FBXL20: variants seen among roughly 807,000 people sequenced by gnomAD.
The protein encoded by FBXL20 is F-box/LRR-repeat protein 20.
FBXL20 carries 11 observed loss-of-function variants against 64.0 expected under a neutral mutation model. The ratio of observed to expected loss-of-function variants is 0.17; its 90% confidence interval spans 0.11 to 0.28. The LOEUF is 0.28. Among genes scored for constraint, FBXL20 ranks in the 10% least tolerant of loss-of-function variants. The pLI, the probability that FBXL20 is intolerant of heterozygous loss-of-function variation, is 1.00. For synonymous variants in FBXL20, 184 were observed against 189.0 expected (o/e 0.97, Z 0.22); for missense variants, 303 against 526.2 (o/e 0.58, Z 4.15).
intron 1 of FBXL20, among the ~76,000 whole-genome samples, chr17:39,349,104 T>A (rs1166720442): frequency 1.3e-5 from 2 of 151,640 alleles, no homozygotes; most frequent in Non-Finnish European, 2.9e-5. Flanking sequence ...ATACACAAAT[T>A]AGCCAGGCAT....
At chr17:39,349,923 G>A (rs1162437849) in intron 1 of FBXL20, among the ~76,000 whole-genome samples, 6 of 142,586 alleles carry the variant, frequency 4.2e-5, no homozygotes, top group African/African-American at 1.3e-4. Flanking sequence ...GCTAAAGAGC[G>A]AGACTCCGTC....
chr17:39,342,831 G>A (rs950008763), intron 2 of FBXL20, among the ~76,000 whole-genome samples: 9 of 152,160 alleles, frequency 5.9e-5, no homozygotes, highest in East Asian at 1.9e-4. Context: ...GCAGTAAGCC[G>A]TGATTGCGCC....
At chr17:39,393,297 A>T (rs990832218) in intron 1 of FBXL20, among the ~76,000 whole-genome samples, 7 of 151,928 alleles carry the variant, frequency 4.6e-5, no homozygotes, top group South Asian at 2.1e-4. Flanking sequence ...CAGGAAAAAA[A>T]AATAATAAAT....
At chr17:39,356,314 CACA>C (rs1457074088) in intron 1 of FBXL20, among the ~76,000 whole-genome samples, 1 of 151,550 alleles carries the variant, frequency 6.6e-6, no homozygotes, top group East Asian at 1.9e-4. Flanking sequence ...GAGGTGAGAG[CACA>C]ACTTCATCTG....
At chr17:39,267,113 G>T (rs1296880558) in intron 12 of FBXL20, among the ~76,000 whole-genome samples, 3 of 151,640 alleles carry the variant, frequency 2.0e-5, no homozygotes, top group Non-Finnish European at 4.4e-5. Context: ...CTAGCCGGGC[G>T]TGGTGGCAGG....
intron 9 of FBXL20, among the ~76,000 whole-genome samples, chr17:39,277,529 G>A (rs1158409765): frequency 6.6e-6 from 1 of 152,002 alleles, no homozygotes; most frequent in Non-Finnish European, 1.5e-5. Flanking sequence ...GGCTGAGGTG[G>A]GCAGATCACT....
intron 1 of FBXL20, among the ~76,000 whole-genome samples, chr17:39,391,406 ATC>A (rs1331520410): frequency 6.6e-6 from 1 of 152,184 alleles, no homozygotes; most frequent in Non-Finnish European, 1.5e-5. Context: ...TGACTATCTA[ATC>A]TCTCTCCAGA....
At chr17:39,305,561 T>C (rs1007851783) in intron 2 of FBXL20, among the ~76,000 whole-genome samples, 3 of 151,944 alleles carry the variant, frequency 2.0e-5, no homozygotes, top group African/African-American at 7.3e-5. Flanking sequence ...AGAAAAAACA[T>C]AGCTTTGGCT....
chr17:39,344,631 CAA>C (rs71147320), intron 1 of FBXL20, among the ~76,000 whole-genome samples: 5 of 151,294 alleles, frequency 3.3e-5, no homozygotes, highest in Non-Finnish European at 7.4e-5. Context: ...ACTAAAAATA[CAA>C]AAAAAAGTAC....
intron 1 of FBXL20, among the ~76,000 whole-genome samples, chr17:39,354,734 A>C (rs937620788): frequency 6.6e-6 from 1 of 152,194 alleles, no homozygotes; most frequent in African/African-American, 2.4e-5. Context: ...AATGCAATAA[A>C]AATATTTAAT....
chr17:39,366,942 G>T (rs1203104790), intron 1 of FBXL20, among the ~76,000 whole-genome samples: 1 of 150,638 alleles, frequency 6.6e-6, no homozygotes, highest in African/African-American at 2.4e-5. Context: ...GGAGTGCAGT[G>T]GCACAATCTC....
chr17:39,314,596 A>G (rs1367243030), intron 2 of FBXL20, among the ~76,000 whole-genome samples: 4 of 151,986 alleles, frequency 2.6e-5, no homozygotes, highest in African/African-American at 9.7e-5. Flanking sequence ...CCCAACCTCT[A>G]GTGATCCACC....
At chr17:39,288,875 T>C (rs2047012375) in intron 6 of FBXL20, among the ~76,000 whole-genome samples, 1 of 152,132 alleles carries the variant, frequency 6.6e-6, no homozygotes, top group Admixed American at 6.6e-5. Context: ...GGCTAATTTT[T>C]TGTATTTTTA....
chr17:39,292,420 T>C (rs947666882), intron 6 of FBXL20, among the ~76,000 whole-genome samples: 4 of 151,000 alleles, frequency 2.6e-5, no homozygotes, highest in South Asian at 2.1e-4. Context: ...TCTTGATAGG[T>C]TGCCCAGGCT....
chr17:39,336,124 G>T (rs970133111), intron 2 of FBXL20, among the ~76,000 whole-genome samples: 1 of 152,052 alleles, frequency 6.6e-6, no homozygotes, highest in Non-Finnish European at 1.5e-5. Context: ...GAGGGGGGAG[G>T]GGAGGGGAAG....
intron 2 of FBXL20, among the ~76,000 whole-genome samples, chr17:39,316,076 C>T (rs373992265): frequency 6.6e-6 from 1 of 152,056 alleles, no homozygotes; most frequent in Admixed American, 6.6e-5. Flanking sequence ...AGAGCAAGAT[C>T]CTATCTCTAA....
intron 6 of FBXL20, among the ~76,000 whole-genome samples, chr17:39,294,057 A>G (rs1050816405): frequency 2.0e-5 from 3 of 151,524 alleles, no homozygotes; most frequent in Non-Finnish European, 4.4e-5. Flanking sequence ...AACATCCTAA[A>G]CTGGTCTTCT....
chr17:39,385,757 CGAGGT>C (rs2048072030), intron 1 of FBXL20, among the ~76,000 whole-genome samples: 2 of 152,116 alleles, frequency 1.3e-5, no homozygotes, highest in African/African-American at 4.8e-5. Flanking sequence ...GGCAGCCAGG[CGAGGT>C]GGCTCACGCC....
chr17:39,319,740 A>G (rs2144509449), intron 2 of FBXL20, among the ~76,000 whole-genome samples: 1 of 146,638 alleles, frequency 6.8e-6, no homozygotes, highest in South Asian at 2.2e-4. Context: ...GAAGGCCAGA[A>G]AAAAAAAAAA....
Sources: gnomAD v4.1 joint callset for allele counts (sites outside exome capture counted in the v4.1 genomes callset) on GRCh38, gnomAD v4.1.1 for gene constraint, MANE v1.5 for transcripts, NCBI Gene and HGNC (gene_info 2026-07-23, HGNC 2026-07-21) for gene names.